The following MAGI2 variants were observed in gnomAD, a reference collection of about 807,000 sequenced individuals.
MAGI2 encodes membrane associated guanylate kinase, WW and PDZ domain containing 2.
Under a neutral mutation model 133.3 loss-of-function variants are expected in MAGI2, and 35 were observed. The ratio of observed to expected loss-of-function variants is 0.26; its 90% confidence interval spans 0.20 to 0.35. The LOEUF is 0.35. MAGI2 is among the 10% of genes least tolerant of loss of function. MAGI2 has a pLI of 1.00. For synonymous variants in MAGI2, 729 were observed against 710.6 expected (o/e 1.03, Z -0.41); for missense variants, 1,636 against 1,863.4 (o/e 0.88, Z 2.25).
chr7:78,104,029 A>T lies in MAGI2; in HGVS notation c.3567+21665T>A, dbSNP rs150942199. Among the ~76,000 whole-genome samples, 35 of 152,336 alleles carry T rather than the reference A, an allele frequency of 2.3e-4. No individual in the cohort carries two copies. In the East Asian group the frequency reaches 6.7e-3, roughly 29 times the overall value. ...GATTACCTGAACACAGCCTGGGATC[A>T]GCTCTGCTCTGGTGGGGCCTCTCTT... On this transcript the variant is annotated intron_variant, in intron 20 of 21. Coordinates refer to ENST00000354212, the MANE Select transcript of MAGI2 (RefSeq NM_012301.4).
At chr7:78,118,463 A>C (rs560946755) in intron 20 of MAGI2, among the ~76,000 whole-genome samples, 1 of 152,344 alleles carries the variant, frequency 6.6e-6, no homozygotes, top group Non-Finnish European at 1.5e-5. Flanking sequence ...CTGATAAAGG[A>C]CTGTTATCCA....
intron 1 of MAGI2, among the ~76,000 whole-genome samples, chr7:79,200,431 C>T (rs953074303): frequency 6.8e-6 from 1 of 146,626 alleles, no homozygotes; most frequent in South Asian, 2.1e-4. Flanking sequence ...GGCGAAACCC[C>T]GTCTCTACAA....
intron 9 of MAGI2, among the ~76,000 whole-genome samples, chr7:78,298,332 A>T (rs1235401073): frequency 6.6e-6 from 1 of 152,252 alleles, no homozygotes; most frequent in African/African-American, 2.4e-5. Context: ...AAGAACATTA[A>T]GTAAAAACTA....
At chr7:79,078,650 TA>T (rs573440268) in intron 1 of MAGI2, among the ~76,000 whole-genome samples, 33 of 152,242 alleles carry the variant, frequency 2.2e-4, no homozygotes, top group Non-Finnish European at 4.0e-4. Context: ...TAAAAGAGGC[TA>T]TCTAGCTAGG....
intron 6 of MAGI2, among the ~76,000 whole-genome samples, chr7:78,418,414 G>T (rs1351249514): frequency 1.3e-5 from 2 of 152,080 alleles, no homozygotes; most frequent in Non-Finnish European, 2.9e-5. Flanking sequence ...GGGCATTGAT[G>T]CTCTCAGCTG....
At chr7:79,155,543 G>A (rs1017719745) in intron 1 of MAGI2, among the ~76,000 whole-genome samples, 1 of 152,080 alleles carries the variant, frequency 6.6e-6, no homozygotes, top group African/African-American at 2.4e-5. Flanking sequence ...ATTTAAGTAG[G>A]CTGCTGGGAA....
chr7:78,641,455 T>C (rs1430249925), intron 2 of MAGI2, among the ~76,000 whole-genome samples: 2 of 152,200 alleles, frequency 1.3e-5, no homozygotes, highest in Non-Finnish European at 2.9e-5. Flanking sequence ...ACAGCTGTGT[T>C]CTAACGAAGC....
intron 2 of MAGI2, among the ~76,000 whole-genome samples, chr7:78,870,664 G>A (rs1239673654): frequency 2.0e-5 from 3 of 152,088 alleles, no homozygotes; most frequent in Admixed American, 2.0e-4. Context: ...GGTAAAAGCA[G>A]AATTACCATT....
chr7:78,816,380 A>G (rs528775337), intron 2 of MAGI2, among the ~76,000 whole-genome samples: 1 of 152,358 alleles, frequency 6.6e-6, no homozygotes, highest in East Asian at 1.9e-4. Context: ...TCTAGCTAAA[A>G]TAATTGATGA....
intron 1 of MAGI2, among the ~76,000 whole-genome samples, chr7:79,230,061 C>A (rs1211443874): frequency 3.4e-5 from 5 of 149,016 alleles, no homozygotes; most frequent in African/African-American, 9.9e-5. Flanking sequence ...TTTGTTCTTG[C>A]GATAGTTTAC....
chr7:78,086,564 T>C (rs1235178395), intron 20 of MAGI2, among the ~76,000 whole-genome samples: 1 of 151,860 alleles, frequency 6.6e-6, no homozygotes, highest in Non-Finnish European at 1.5e-5. Flanking sequence ...CTGGGGTTTA[T>C]GTTTAATTCT....
chr7:78,103,192 C>T (rs956377664), intron 20 of MAGI2, among the ~76,000 whole-genome samples: 2 of 152,186 alleles, frequency 1.3e-5, no homozygotes, highest in African/African-American at 4.8e-5. Context: ...GATTGCATAC[C>T]TTAGATATTC....
At chr7:78,321,467 A>T (rs995590462) in intron 9 of MAGI2, among the ~76,000 whole-genome samples, 1 of 152,290 alleles carries the variant, frequency 6.6e-6, no homozygotes, top group East Asian at 1.9e-4. Flanking sequence ...ATAACACCAC[A>T]TATCTACAAC....
intron 1 of MAGI2, among the ~76,000 whole-genome samples, chr7:79,240,426 G>A (rs1213482326): frequency 6.6e-6 from 1 of 151,978 alleles, no homozygotes; most frequent in South Asian, 2.1e-4. Context: ...CCTCCTGTTA[G>A]TGACAATTTA....
At chr7:78,410,260 A>G (rs1273332383) in intron 6 of MAGI2, among the ~76,000 whole-genome samples, 2 of 151,984 alleles carry the variant, frequency 1.3e-5, no homozygotes, top group African/African-American at 4.8e-5. Context: ...CGGGATTAAA[A>G]CTCGACCCTG....
Position 79,191,885 on chromosome 7 carries a change from G to T in MAGI2, c.302-184679C>A, listed in dbSNP as rs368959533. Among the ~76,000 whole-genome samples the T allele has an allele frequency of 2.7e-3, 409 of 151,660 alleles. 5 individuals carry two copies. Among genetic ancestry groups the T allele is most frequent in the African/African-American group, 9.3e-3 (384 of 41,236 alleles). ...TTACAGACCAGTGTTAAATGGATTTGGTTGGCATCTCTAACTTCTTTCTGG... is the reference window on the plus strand; with the variant it reads ...TTACAGACCAGTGTTAAATGGATTTTGTTGGCATCTCTAACTTCTTTCTGG... On this transcript the variant is annotated intron_variant, in intron 1 of 21. Transcript: ENST00000354212.
intron 2 of MAGI2, among the ~76,000 whole-genome samples, chr7:78,950,527 C>A (rs937901377): frequency 2.0e-5 from 3 of 152,156 alleles, no homozygotes; most frequent in Non-Finnish European, 4.4e-5. Context: ...TCATACATTT[C>A]CATATGCCGG....
At chr7:78,510,850 C>T (rs73139223) in intron 4 of MAGI2, among the ~76,000 whole-genome samples, 7,808 of 152,162 alleles carry the variant, frequency 0.051, 344 homozygotes, top group African/African-American at 0.12. Context: ...AAATCAGAAA[C>T]GCAGCTCCCC....
chr7:78,301,719 G>C (rs2151074209), intron 9 of MAGI2, among the ~76,000 whole-genome samples: 1 of 152,208 alleles, frequency 6.6e-6, no homozygotes, highest in South Asian at 2.1e-4. Context: ...CCTGGCATTT[G>C]CATCCAATAC....
Sources: gnomAD v4.1 joint callset for allele counts (sites outside exome capture counted in the v4.1 genomes callset) on GRCh38, gnomAD v4.1.1 for gene constraint, MANE v1.5 for transcripts, NCBI Gene and HGNC (gene_info 2026-07-23, HGNC 2026-07-21) for gene names.